The following AGPAT4 variants were observed in gnomAD, a reference collection of about 807,000 sequenced individuals.
AGPAT4 encodes the protein 1-acylglycerol-3-phosphate O-acyltransferase 4, also known as 1-acyl-sn-glycerol-3-phosphate acyltransferase delta.
A neutral mutation model predicts 48.0 loss-of-function variants in AGPAT4; 15 were observed. The observed-to-expected ratio is 0.31, with a 90% CI of 0.21 to 0.48. The LOEUF (loss-of-function observed/expected upper bound fraction) is 0.48, where lower values mean the gene tolerates loss of function less well. AGPAT4 is among the 20% of genes least tolerant of loss of function. The pLI, the probability that AGPAT4 is intolerant of heterozygous loss-of-function variation, is 0.99. For missense variants in AGPAT4, 314 were observed against 482.5 expected (o/e 0.65, Z 3.27); for synonymous variants, 178 against 198.7 (o/e 0.90, Z 0.88).
rs1230231077 is a variant in AGPAT4, at chr6:161,130,094, T to C, written c.*6446A>G. On this transcript the variant is annotated 3_prime_UTR_variant, in exon 9 of 9. Transcript: ENST00000320285. ...GCCCACCAACAAAAATTTGGAAAGA[T>C]TGCTACACATGACAGAGCGACAGTA... The C allele has an allele frequency of 3.9e-5, 6 of 152,212 alleles. No homozygotes were observed. The highest frequency in any genetic ancestry group is 8.8e-5 in the Non-Finnish European group (6 of 68,044). The allele number at this position is 152,212 out of a possible 1,614,324, so 9.4% of individuals were successfully genotyped here.
Position 161,202,968 on chromosome 6 carries a change from T to C in AGPAT4, c.178+29068A>G, listed in dbSNP as rs1562336390. 6.6e-6 allele frequency among the ~76,000 whole-genome samples: 1 copy of C among 152,182 alleles called. No individual in the cohort carries two copies. Among genetic ancestry groups the C allele is most frequent in the Non-Finnish European group, 1.5e-5 (1 of 68,040 alleles). On this transcript the variant is annotated intron_variant, in intron 2 of 8. Transcript: ENST00000320285. This position sits in a 1 kb window ranked among gnomAD's most constrained non-coding sequence, Gnocchi z 5.4. ...CAACCTCCAGGCTTGTGAGTAAAGA[T>C]ACCAGCCCTTGATTTCTGCCCCCTA...
At chr6:161,230,717 G>A (rs773348703) in intron 2 of AGPAT4, among the ~76,000 whole-genome samples, 16 of 152,090 alleles carry the variant, frequency 1.1e-4, no homozygotes, top group Non-Finnish European at 1.9e-4. Context: ...GGATTGAATT[G>A]GTGGTTGTAC....
rs1375144242 is a variant in AGPAT4, at chr6:161,219,872, T to TAGAG, written c.178+12163_178+12164insCTCT. Among the ~76,000 whole-genome samples, 6 of 121,166 alleles carry TAGAG rather than the reference T, an allele frequency of 5.0e-5. No homozygotes were observed. Among genetic ancestry groups the TAGAG allele is most frequent in the Admixed American group, 8.5e-5 (1 of 11,760 alleles). 79.5% of individuals were successfully genotyped at this position (121,166 alleles called of 152,430 possible). A position where few individuals can be genotyped will look rare whatever the true frequency, so the allele number is the denominator to read the frequency against. On this transcript the variant is annotated intron_variant, in intron 2 of 8. Transcript: ENST00000320285. The surrounding 1 kb of genome is among the most constrained non-coding windows in gnomAD (Gnocchi z 4.9). The stretch of plus-strand genomic sequence containing the variant: ...ATAGATAGATAGATAGATAGATAGA[T>TAGAG]AGGCAGGCAGGCAGGCAGGCAGGCA...
rs916918130 is a variant in AGPAT4, at chr6:161,130,638, C to G, written c.*5902G>C. On this transcript the variant is annotated 3_prime_UTR_variant, in exon 9 of 9. Coordinates refer to ENST00000320285, the MANE Select transcript of AGPAT4 (RefSeq NM_020133.3). ...GGTTAGATCTCTTTCCTTGATAGAA[C>G]AAGCAAAAGAGGGGCTGATCCATCT... 1 of 269,478 alleles carries G rather than the reference C, an allele frequency of 3.7e-6. No homozygotes were observed. The highest frequency in any genetic ancestry group is 7.6e-6 in the Non-Finnish European group (1 of 130,742). 16.7% of individuals were successfully genotyped at this position (269,478 alleles called of 1,614,324 possible).
chr6:161,228,501 C>A (rs181689171), intron 2 of AGPAT4, among the ~76,000 whole-genome samples: 6 of 151,354 alleles, frequency 4.0e-5, no homozygotes, highest in Admixed American at 2.6e-4. Flanking sequence ...GTGGTGGTGT[C>A]CACTGTGTTT....
chr6:161,239,547 A>G (rs1317050984), intron 1 of AGPAT4, among the ~76,000 whole-genome samples: 1 of 152,184 alleles, frequency 6.6e-6, no homozygotes, highest in Non-Finnish European at 1.5e-5. Flanking sequence ...GTTGTAGAAA[A>G]GGCAAAACTT....
In AGPAT4 at chr6:161,192,035, C is replaced by CTT. The variant is rs200155345; in HGVS notation, c.179-25620_179-25619dup. Among the ~76,000 whole-genome samples the CTT allele has an allele frequency of 1.1e-4, 14 of 126,804 alleles. No homozygotes were observed. The South Asian group carries it at 1.5e-3, about 14-fold the overall frequency. The allele number at this position is 126,804 out of a possible 152,430, so 83.2% of individuals were successfully genotyped here. A position where few individuals can be genotyped will look rare whatever the true frequency, so the allele number is the denominator to read the frequency against. Reference sequence around the variant, plus strand: ...AAGGATTGTCCTATTTTGTGCATTCCTTTTTTTTTTTTTTTGTCTCATGTT... The same window carrying CTT: ...AAGGATTGTCCTATTTTGTGCATTCCTTTTTTTTTTTTTTTTTGTCTCATGTT... On this transcript the variant is annotated intron_variant, in intron 2 of 8. Transcript: ENST00000320285.
At position 161,177,814 on chromosome 6, in the gene AGPAT4, G is replaced by A. The variant is rs557984943; in HGVS notation, c.179-11397C>T. Among the ~76,000 whole-genome samples the A allele has an allele frequency of 2.0e-4, 31 of 152,256 alleles. No homozygotes were observed. The South Asian group carries it at 4.1e-3, about 20-fold the overall frequency. On this transcript the variant is annotated intron_variant, in intron 2 of 8. Coordinates refer to ENST00000320285, the MANE Select transcript of AGPAT4 (RefSeq NM_020133.3). This position sits in a 1 kb window ranked among gnomAD's most constrained non-coding sequence, Gnocchi z 5.0. ...ACCTTTGGTCTTTGATGATGGTGAC[G>A]TACAGATGGAGTTTTAGTGTGGATG...
chr6:161,258,321 T>A (rs919732226), intron 1 of AGPAT4, among the ~76,000 whole-genome samples: 9 of 152,212 alleles, frequency 5.9e-5, no homozygotes. Context: ...CTTTCCCATT[T>A]GAAAACAAAT....
rs1470909418 is a variant in AGPAT4 at position 161,138,072 on chromosome 6, A to G, written c.1042+1350T>C. 6.6e-6 allele frequency among the ~76,000 whole-genome samples: 1 copy of G among 152,054 alleles called. No homozygotes were observed. The highest frequency in any genetic ancestry group is 1.5e-5 in the Non-Finnish European group (1 of 67,992). The stretch of plus-strand genomic sequence containing the variant: ...GCCTGCTATTGAAGCAGAAGGGTTG[A>G]GCTTGCCCCCGCCCTACCAGGGGCC... On this transcript the variant is annotated intron_variant, in intron 8 of 8. Transcript: ENST00000320285. This position sits in a 1 kb window ranked among gnomAD's most constrained non-coding sequence, Gnocchi z 4.8.
At chr6:161,175,644 T>C (rs1384173609) in intron 2 of AGPAT4, among the ~76,000 whole-genome samples, 1 of 152,242 alleles carries the variant, frequency 6.6e-6, no homozygotes, top group African/African-American at 2.4e-5. Flanking sequence ...CCTTCAGTTA[T>C]GCTGTGATCT....
intron 2 of AGPAT4, among the ~76,000 whole-genome samples, chr6:161,182,825 G>C (rs185859980): frequency 2.4e-4 from 37 of 152,332 alleles, no homozygotes; most frequent in African/African-American, 5.5e-4. Flanking sequence ...TTTTGGGAGA[G>C]AGTCCTGACA....
chr6:161,137,137 C>T lies in AGPAT4; in HGVS notation c.1043-503G>A, dbSNP rs922575940. Among the ~76,000 whole-genome samples, 13 of 152,196 alleles carry T rather than the reference C, an allele frequency of 8.5e-5. No individual in the cohort carries two copies. Among genetic ancestry groups the T allele is most frequent in the African/African-American group, 2.9e-4 (12 of 41,454 alleles). ...AGAAAATCCCCGCCCTCTCCTCTGA[C>T]GGCAGGATTTGCCTACACCAGAGAA... On this transcript the variant is annotated intron_variant, in intron 8 of 8. Transcript: ENST00000320285. This position sits in a 1 kb window ranked among gnomAD's most constrained non-coding sequence, Gnocchi z 6.1.
At position 161,214,190 on chromosome 6, in the gene AGPAT4, C is replaced by T. The variant is rs1781586038; in HGVS notation, c.178+17846G>A. Among the ~76,000 whole-genome samples the T allele has an allele frequency of 6.6e-6, 1 of 152,126 alleles. No individual in the cohort carries two copies. The highest frequency in any genetic ancestry group is 1.5e-5 in the Non-Finnish European group (1 of 68,022). On this transcript the variant is annotated intron_variant, in intron 2 of 8. Coordinates refer to ENST00000320285, the MANE Select transcript of AGPAT4 (RefSeq NM_020133.3). This position sits in a 1 kb window ranked among gnomAD's most constrained non-coding sequence, Gnocchi z 5.4. ...GTTGTCCTGCCTTTCCAGACCAAAC[C>T]AATGTTCATGTTACATCTGTTGATT...
rs1162382266 is a variant in AGPAT4, at chr6:161,272,363, G to A, written c.-90+1575C>T. On this transcript the variant is annotated intron_variant, in intron 1 of 8. Coordinates refer to ENST00000320285, the MANE Select transcript of AGPAT4 (RefSeq NM_020133.3). The surrounding 1 kb of genome is among the most constrained non-coding windows in gnomAD (Gnocchi z 4.2). ...TATCTTAAATTATAGATAATTTTAA[G>A]AGTCATGAATGGGATTACTACTTAT... Among the ~76,000 whole-genome samples, 1 of 152,148 alleles carries A rather than the reference G, an allele frequency of 6.6e-6. No individual in the cohort carries two copies. The highest frequency in any genetic ancestry group is 2.4e-5 in the African/African-American group (1 of 41,432).
rs1782184468 is a variant in AGPAT4 at position 161,233,457 on chromosome 6, C to CT, written c.-89-1156dup. ...TGAGAGGCCCTAAAATTGTTACAAT[C>CT]TTTTTTAATAATGAACAATCTGTAT... On this transcript the variant is annotated intron_variant, in intron 1 of 8. Transcript: ENST00000320285. This position sits in a 1 kb window ranked among gnomAD's most constrained non-coding sequence, Gnocchi z 5.4. 6.6e-6 allele frequency among the ~76,000 whole-genome samples: 1 copy of CT among 152,132 alleles called. No homozygotes were observed. The highest frequency in any genetic ancestry group is 2.4e-5 in the African/African-American group (1 of 41,408).
rs139049483 is a variant in AGPAT4 at position 161,140,095 on chromosome 6, G to A, written c.844-475C>T. Among the ~76,000 whole-genome samples the A allele has an allele frequency of 6.3e-4, 96 of 152,336 alleles. No homozygotes were observed. Among genetic ancestry groups the A allele is most frequent in the Middle Eastern group, 3.4e-3 (1 of 294 alleles). On this transcript the variant is annotated intron_variant, in intron 7 of 8. Coordinates refer to ENST00000320285, the MANE Select transcript of AGPAT4 (RefSeq NM_020133.3). This position sits in a 1 kb window ranked among gnomAD's most constrained non-coding sequence, Gnocchi z 6.5. ...AGGAGGAGCTCGCCCAGCCCGGCCC[G>A]GCACATGCCCCGCCTTCCCGGCCTC...
chr6:161,185,282 TC>T (rs57353092), intron 2 of AGPAT4, among the ~76,000 whole-genome samples: 2,113 of 145,784 alleles, frequency 0.014, 52 homozygotes, highest in African/African-American at 0.052. Context: ...TTTTAAGATG[TC>T]TTTTTTTTTT....
Position 161,146,385 on chromosome 6 carries a change from G to T in AGPAT4, c.843+139C>A. ...TTTGTCATGTTCTTCATTGCCAAGA[G>T]AGGGTCAGCTCCAGACTCACTAATA... On this transcript the variant is annotated intron_variant, in intron 7 of 8. Transcript: ENST00000320285. The surrounding 1 kb of genome is among the most constrained non-coding windows in gnomAD (Gnocchi z 7.1). 1.5e-6 allele frequency: 1 copy of T among 688,980 alleles called. No homozygotes were observed. The allele number at this position is 688,980 out of a possible 1,614,324, so 42.7% of individuals were successfully genotyped here.
Sources: allele counts gnomAD v4.1 joint callset (sites outside exome capture counted in the v4.1 genomes callset), GRCh38; gene constraint gnomAD v4.1.1; non-coding constraint Gnocchi (gnomAD v3.1); transcripts MANE v1.5; gene names NCBI Gene and HGNC (gene_info 2026-07-23, HGNC 2026-07-21).